The following EIF2B2 variants were observed in gnomAD, a reference collection of about 807,000 sequenced individuals.
The protein encoded by EIF2B2 is translation initiation factor eIF2B subunit beta.
In EIF2B2, 34 loss-of-function variants were observed where a neutral mutation model predicts 34.7. The observed-to-expected ratio is 0.98, with a 90% CI of 0.75 to 1.31. The LOEUF is 1.31. Among genes scored for constraint, EIF2B2 ranks in the 50% most tolerant of loss-of-function variants. The pLI is 0.00. For synonymous variants in EIF2B2, 155 were observed against 171.6 expected (o/e 0.90, Z 0.76); for missense variants, 361 against 447.7 (o/e 0.81, Z 1.75).
chr14:75,007,139 GA>G (rs1160576863), intron 6 of EIF2B2: 7 of 458,760 alleles, frequency 1.5e-5, no homozygotes, highest in Admixed American at 2.4e-5. Context: ...TATTTGCTTT[GA>G]AAACATCAAC....
rs104894426 is a variant in EIF2B2 at position 75,009,079 on chromosome 14, T to A, written c.947T>A (p.Val316Asp). ...GTGCATTGCCCTGTGTTTGACTACG[T>A]TCCCCCAGAGCTCATTACCCTCTTT... Reference protein sequence around the residue: ...VSVHCPVFDYVPPELITLFIS... With the variant: ...VSVHCPVFDYDPPELITLFIS... Residue 316 changes from valine (V) to aspartate (D), a missense_variant, in exon 8 of 8, where the codon GTT becomes GAT. Transcript: ENST00000266126. 11 of 1,614,024 alleles carry A rather than the reference T, an allele frequency of 6.8e-6. No individual in the cohort carries two copies. Among genetic ancestry groups the A allele is most frequent in the East Asian group, 2.2e-5 (1 of 44,896 alleles).
At position 75,011,794 on chromosome 14, in the gene EIF2B2, T is replaced by C. The variant is rs564421193; in HGVS notation, c.*2606T>C. The C allele has an allele frequency of 6.6e-6, 1 of 152,282 alleles. No homozygotes were observed. The highest frequency in any genetic ancestry group is 6.5e-5 in the Admixed American group (1 of 15,302). 9.4% of individuals were successfully genotyped at this position (152,282 alleles called of 1,614,324 possible). A position where few individuals can be genotyped will look rare whatever the true frequency, so the allele number is the denominator to read the frequency against. The stretch of plus-strand genomic sequence containing the variant: ...GCACCAATTCTAACAGCAATTCACT[T>C]GGGTACAATTGTGTGGTTTGGAGTA... On this transcript the variant is annotated 3_prime_UTR_variant, in exon 8 of 8. Transcript: ENST00000266126.
chr14:75,004,528 T>TA (rs988372958), intron 3 of EIF2B2, among the ~76,000 whole-genome samples: 16 of 150,138 alleles, frequency 1.1e-4, no homozygotes, highest in Non-Finnish European at 1.3e-4. Context: ...CTGTCTCTAT[T>TA]AAAAAAAAAG....
chr14:75,005,011 A>G, intron 4 of EIF2B2, 111 bp downstream of exon 4: 3 of 1,089,048 alleles, frequency 2.8e-6, no homozygotes, highest in Non-Finnish European at 4.1e-6. Flanking sequence ...ACTTTGAGAC[A>G]CTGAGAAGAT....
chr14:75,005,654 T>C (rs1354234222), intron 4 of EIF2B2, among the ~76,000 whole-genome samples: 1 of 152,204 alleles, frequency 6.6e-6, no homozygotes, highest in Admixed American at 6.5e-5. Context: ...TGTGGAGCAT[T>C]AGACATTTAT....
chr14:75,005,990 C>A lies in EIF2B2; in HGVS notation c.693+29C>A, dbSNP rs1027717962. 2.6e-6 allele frequency: 4 copies of A among 1,535,182 alleles called. No individual in the cohort carries two copies. In the African/African-American group the frequency reaches 4.1e-5, roughly 16 times the overall value. Reference sequence around the variant, plus strand: ...GGTATATCTGGAGTTATGTTGAATTCATGAAGATTATGTTTCTAAAATATT... The same window carrying A: ...GGTATATCTGGAGTTATGTTGAATTAATGAAGATTATGTTTCTAAAATATT... On this transcript the variant is annotated intron_variant, in intron 5 of 7. Transcript: ENST00000266126.
intron 3 of EIF2B2, 71 bp downstream of exon 3, chr14:75,003,770 T>G (rs1889579555): frequency 6.3e-7 from 1 of 1,597,930 alleles, no homozygotes; most frequent in African/African-American, 1.3e-5. Flanking sequence ...CTCTGAAGGT[T>G]GTTCATTAGC....
At chr14:75,005,738 T>C (rs1325024199) in intron 4 of EIF2B2, 128 bp from the exon 5 acceptor site, 2 of 768,978 alleles carry the variant, frequency 2.6e-6, no homozygotes, top group African/African-American at 1.7e-5. Context: ...GAAAAATGAG[T>C]TATCTATTGG....
rs904255868 is a variant in EIF2B2 at position 75,005,853 on chromosome 14, C to T, written c.598-13C>T. 1.9e-6 allele frequency: 3 copies of T among 1,602,014 alleles called. No individual in the cohort carries two copies. Among genetic ancestry groups the T allele is most frequent in the Non-Finnish European group, 2.6e-6 (3 of 1,169,380 alleles). ...CTCTTTCTCTTAGAATCAGCCTTTC[C>T]CTCCCATTGCAGGGTCATGAAATGG... is the stretch of plus-strand genomic sequence containing the variant. On this transcript the variant is annotated splice_polypyrimidine_tract_variant and intron_variant, in intron 4 of 7. Transcript: ENST00000266126.
Position 75,006,709 on chromosome 14 carries a change from C to T in EIF2B2, c.826C>T (p.Pro276Ser), listed in dbSNP as rs1555385495. ...IVCAPMFKLSPQFPNEEDSFH... is the reference protein window; with the variant it reads ...IVCAPMFKLSSQFPNEEDSFH... ...CTGTGCACCTATGTTCAAACTTTCT[C>T]CACAGGTAAGTGTGTCTGTCTCTAG... Residue 276 changes from proline (P) to serine (S), a missense_variant, in exon 6 of 8, where the codon CCA becomes TCA. Physicochemically the swap from Pro to Ser is moderately conservative, Grantham distance 74. Coordinates refer to ENST00000266126, the MANE Select transcript of EIF2B2 (RefSeq NM_014239.4). The surrounding 1 kb of genome is among the most constrained non-coding windows in gnomAD (Gnocchi z 4.1). The T allele has an allele frequency of 1.9e-6, 3 of 1,614,164 alleles. No individual in the cohort carries two copies. The highest frequency in any genetic ancestry group is 1.6e-4 in the Middle Eastern group (1 of 6,062).
intron 7 of EIF2B2, 138 bp downstream of exon 7, chr14:75,007,926 G>A (rs1889651552): frequency 1.2e-6 from 1 of 807,960 alleles, no homozygotes; most frequent in Non-Finnish European, 2.0e-6. Context: ...CATACTTCTT[G>A]TGGGGACTGT....
chr14:75,006,239 A>G lies in EIF2B2; in HGVS notation c.693+278A>G. ...GAGTGTCAGTTTCTAGGGATTGGCT[A>G]CAGGGCTCCTGCCTTATGCTCAAAG... On this transcript the variant is annotated intron_variant, in intron 5 of 7. Coordinates refer to ENST00000266126, the MANE Select transcript of EIF2B2 (RefSeq NM_014239.4). This position sits in a 1 kb window ranked among gnomAD's most constrained non-coding sequence, Gnocchi z 4.1. The G allele has an allele frequency of 1.9e-6, 1 of 521,080 alleles. No homozygotes were observed. The highest frequency in any genetic ancestry group is 3.4e-6 in the Non-Finnish European group (1 of 289,924). 32.3% of individuals were successfully genotyped at this position (521,080 alleles called of 1,614,324 possible).
In EIF2B2 at chr14:75,002,963, G is replaced by A; in HGVS notation, c.-28G>A. The A allele has an allele frequency of 1.9e-6, 3 of 1,613,626 alleles. No homozygotes were observed. The highest frequency in any genetic ancestry group is 1.1e-5 in the South Asian group (1 of 91,060). The stretch of plus-strand genomic sequence containing the variant: ...GGTCTGGCAGGTGTGGATTCCGCCG[G>A]TGAAGGCTGAAGGCAGCTACCTTAA... On this transcript the variant is annotated 5_prime_UTR_variant, in exon 1 of 8. The change creates a new upstream start codon in the 5' untranslated region. Transcript: ENST00000266126.
At chr14:75,007,820 G>A in intron 7 of EIF2B2, 32 bp downstream of exon 7, 1 of 1,607,618 alleles carries the variant, frequency 6.2e-7, no homozygotes, top group Non-Finnish European at 8.5e-7. Flanking sequence ...GCGTGCATGT[G>A]TTGTGTGTAT....
chr14:75,009,174 G>A lies in EIF2B2; in HGVS notation c.1042G>A (p.Asp348Asn). 2 of 1,614,050 alleles carry A rather than the reference G, an allele frequency of 1.2e-6. No homozygotes were observed. Among genetic ancestry groups the A allele is most frequent in the Non-Finnish European group, 1.7e-6 (2 of 1,179,994 alleles). The change falls in exon 8 of 8, where the codon GAT becomes AAT. Residue 348 changes from aspartate to asparagine, a missense_variant. Transcript: ENST00000266126. ...GATGAGTGAACTCTACCATCCTGAT[G>A]ATCATGTTTTATGACCGACCACACG... The part of the protein sequence containing the change: ...RLMSELYHPD[D>N]HVL
Position 75,003,265 on chromosome 14 carries a change from T to C in EIF2B2, c.164-10T>C. 1 of 1,613,544 alleles carries C rather than the reference T, an allele frequency of 6.2e-7. No individual in the cohort carries two copies. Among genetic ancestry groups the C allele is most frequent in the Non-Finnish European group, 8.5e-7 (1 of 1,179,942 alleles). ...TTGGCTCCTCTTATCCTCTCTCTTT[T>C]GGACTGTAGGGGAGCTGATGGAGCT... On this transcript the variant is annotated splice_polypyrimidine_tract_variant and intron_variant, in intron 1 of 7. Transcript: ENST00000266126.
rs1555385351 is a variant in EIF2B2, at chr14:75,003,665, C to A, written c.399C>A (p.Ile133=). ...ATTATGCCCAACTCCAGTCCAACAT[C>A]ATTGAGGCGATTAATGAGCTGCTAG... ...SFHYAQLQSN[I]IEAINELLVE... Residue 133 remains isoleucine (I), a synonymous_variant, in exon 3 of 8, where the codon ATC becomes ATA. Transcript: ENST00000266126. 1 of 1,614,198 alleles carries A rather than the reference C, an allele frequency of 6.2e-7. No individual in the cohort carries two copies. Among genetic ancestry groups the A allele is most frequent in the South Asian group, 1.1e-5 (1 of 91,084 alleles).
Position 75,009,376 on chromosome 14 carries a change from C to CTT in EIF2B2, c.*189_*190dup, listed in dbSNP as rs1889673702. The CTT allele has an allele frequency of 1.5e-6, 1 of 658,464 alleles. No homozygotes were observed. Among genetic ancestry groups the CTT allele is most frequent in the Non-Finnish European group, 2.7e-6 (1 of 373,302 alleles). 40.8% of individuals were successfully genotyped at this position (658,464 alleles called of 1,614,324 possible). On this transcript the variant is annotated 3_prime_UTR_variant, in exon 8 of 8. Transcript: ENST00000266126. The stretch of plus-strand genomic sequence containing the variant: ...CAAGGGCACACATCCAGGACTGTGT[C>CTT]TTGCCTTTCAGATCTTAACAGAGCA...
intron 7 of EIF2B2, 139 bp downstream of exon 7, chr14:75,007,927 T>TG (rs1889651704): frequency 1.2e-6 from 1 of 805,992 alleles, no homozygotes. Flanking sequence ...ATACTTCTTG[T>TG]GGGGACTGTT....
Sources: allele counts gnomAD v4.1 joint callset (sites outside exome capture counted in the v4.1 genomes callset), GRCh38; gene constraint gnomAD v4.1.1; non-coding constraint Gnocchi (gnomAD v3.1); transcripts MANE v1.5; gene names NCBI Gene and HGNC (gene_info 2026-07-23, HGNC 2026-07-21).